The following TAFA5 variants were observed in gnomAD, a reference collection of about 807,000 sequenced individuals.
TAFA5 encodes the protein TAFA chemokine like family member 5, also known as chemokine-like protein TAFA-5.
TAFA5 carries 6 observed loss-of-function variants against 15.3 expected under a neutral mutation model. That is an observed-to-expected ratio of 0.39 (90% CI 0.21 to 0.77). TAFA5 has a LOEUF of 0.77. TAFA5 is among the 30% of genes least tolerant of loss of function. TAFA5 has a pLI of 0.41. For missense variants in TAFA5, 161 were observed against 193.1 expected (o/e 0.83, Z 0.98); for synonymous variants, 103 against 80.7 (o/e 1.28, Z -1.48).
chr22:48,750,073 C>A lies in TAFA5; in HGVS notation c.*226C>A. 1 of 591,922 alleles carries A rather than the reference C, an allele frequency of 1.7e-6. No homozygotes were observed. The highest frequency in any genetic ancestry group is 3.0e-6 in the Non-Finnish European group (1 of 332,466). The allele number at this position is 591,922 out of a possible 1,614,324, so 36.7% of individuals were successfully genotyped here. On this transcript the variant is annotated 3_prime_UTR_variant, in exon 4 of 4. Coordinates refer to ENST00000402357, the MANE Select transcript of TAFA5 (RefSeq NM_001082967.3). ...TCAGACACATAGGCGGGGGGCGGCA[C>A]CTGGCATCAGCAATACGCAGTCTGT... is the stretch of plus-strand genomic sequence containing the variant.
At chr22:48,678,317 C>T (rs1480373905) in intron 2 of TAFA5, among the ~76,000 whole-genome samples, 1 of 152,228 alleles carries the variant, frequency 6.6e-6, no homozygotes, top group Non-Finnish European at 1.5e-5. Context: ...CCGGGCTCCA[C>T]ACCTGGATGC....
At chr22:48,575,477 G>T (rs895797266) in intron 1 of TAFA5, among the ~76,000 whole-genome samples, 1 of 146,118 alleles carries the variant, frequency 6.8e-6, no homozygotes, top group Non-Finnish European at 1.5e-5. Context: ...CCCTCCCGCC[G>T]CCTCCCCCGA....
intron 1 of TAFA5, among the ~76,000 whole-genome samples, chr22:48,565,946 G>A (rs1923392665): frequency 6.6e-6 from 1 of 152,110 alleles, no homozygotes; most frequent in African/African-American, 2.4e-5. Flanking sequence ...GATGGATGAT[G>A]AATAGATGTG....
At chr22:48,720,326 A>G (rs1230825435) in intron 3 of TAFA5, among the ~76,000 whole-genome samples, 1 of 151,944 alleles carries the variant, frequency 6.6e-6, no homozygotes, top group Non-Finnish European at 1.5e-5. Flanking sequence ...TCCCTCTGAC[A>G]CTGTTTTGGT....
intron 1 of TAFA5, among the ~76,000 whole-genome samples, chr22:48,616,079 G>A (rs28498927): frequency 0.9 from 136,642 of 152,000 alleles, 61,741 homozygotes; most frequent in East Asian, 1. Context: ...CCGGCCTGGT[G>A]TGCTGATTCT....
chr22:48,684,068 C>T (rs1928279078), intron 2 of TAFA5, among the ~76,000 whole-genome samples: 1 of 152,096 alleles, frequency 6.6e-6, no homozygotes, highest in African/African-American at 2.4e-5. Flanking sequence ...GAAAACTGAC[C>T]AGTGCAATCA....
intron 2 of TAFA5, among the ~76,000 whole-genome samples, chr22:48,680,569 G>A (rs1381514284): frequency 1.3e-5 from 2 of 152,162 alleles, no homozygotes; most frequent in African/African-American, 4.8e-5. Flanking sequence ...AGGAGGAGCT[G>A]AGGGACCCCA....
intron 2 of TAFA5, among the ~76,000 whole-genome samples, chr22:48,682,434 T>C (rs1326436147): frequency 1.3e-5 from 2 of 152,232 alleles, no homozygotes; most frequent in Admixed American, 6.5e-5. Context: ...TTGCTAGTGA[T>C]GTTGATACAT....
At chr22:48,687,008 GTGGACAAGTGGATGGA>G (rs1928381139) in intron 2 of TAFA5, among the ~76,000 whole-genome samples, 1 of 150,752 alleles carries the variant, frequency 6.6e-6, no homozygotes, top group South Asian at 2.1e-4. Flanking sequence ...TGGTTGGATG[GTGGACAAGTGGATGGA>G]TGGATGGATT....
At position 48,560,751 on chromosome 22, in the gene TAFA5, G is replaced by A. The variant is rs1369686719; in HGVS notation, c.112+71047G>A. On this transcript the variant is annotated intron_variant, in intron 1 of 3. Coordinates refer to ENST00000402357, the MANE Select transcript of TAFA5 (RefSeq NM_001082967.3). The surrounding 1 kb of genome is among the most constrained non-coding windows in gnomAD (Gnocchi z 4.2). ...AGCTTCCTGAGTAGCTGGGATTACA[G>A]GTGCTCAACACCACGCCTGGATAAT... Among the ~76,000 whole-genome samples the A allele has an allele frequency of 2.6e-5, 4 of 151,996 alleles. No individual in the cohort carries two copies. Among genetic ancestry groups the A allele is most frequent in the African/African-American group, 4.8e-5 (2 of 41,370 alleles).
chr22:48,677,636 T>TC (rs1928018030), intron 2 of TAFA5, among the ~76,000 whole-genome samples: 1 of 152,064 alleles, frequency 6.6e-6, no homozygotes, highest in Non-Finnish European at 1.5e-5. Flanking sequence ...GGTCTTCTCC[T>TC]CCCCGAGGCC....
intron 2 of TAFA5, among the ~76,000 whole-genome samples, chr22:48,660,212 C>T (rs1927387755): frequency 6.6e-6 from 1 of 152,180 alleles, no homozygotes; most frequent in South Asian, 2.1e-4. Flanking sequence ...CTCACTGTCC[C>T]ATCTCCCAGT....
intron 2 of TAFA5, among the ~76,000 whole-genome samples, chr22:48,703,220 C>G (rs567257857): frequency 6.6e-6 from 1 of 151,880 alleles, no homozygotes; most frequent in Non-Finnish European, 1.5e-5. Context: ...GTGATGTGTA[C>G]GTGTGTGTGT....
intron 1 of TAFA5, among the ~76,000 whole-genome samples, chr22:48,574,460 T>A (rs1384755587): frequency 6.6e-6 from 1 of 152,152 alleles, no homozygotes; most frequent in Non-Finnish European, 1.5e-5. Flanking sequence ...TCACCATGCC[T>A]CTATAAGCCT....
At chr22:48,592,177 C>T (rs1185559200) in intron 1 of TAFA5, among the ~76,000 whole-genome samples, 1 of 152,198 alleles carries the variant, frequency 6.6e-6, no homozygotes, top group Admixed American at 6.5e-5. Context: ...ATGGTGCTGA[C>T]CCTGTGCCAG....
chr22:48,748,963 G>A (rs549568978), intron 3 of TAFA5, among the ~76,000 whole-genome samples: 2 of 152,132 alleles, frequency 1.3e-5, no homozygotes, highest in Non-Finnish European at 1.5e-5. Flanking sequence ...CGGTTCAAGG[G>A]CAGATTCTCA....
At chr22:48,677,655 C>A (rs1433298022) in intron 2 of TAFA5, among the ~76,000 whole-genome samples, 1 of 152,228 alleles carries the variant, frequency 6.6e-6, no homozygotes, top group African/African-American at 2.4e-5. Context: ...CCTCCCACCC[C>A]TGAGCGCCAA....
chr22:48,587,863 G>A (rs192324072), intron 1 of TAFA5, among the ~76,000 whole-genome samples: 123 of 152,376 alleles, frequency 8.1e-4, no homozygotes, highest in Admixed American at 2.4e-3. Context: ...ACGCAGAGGC[G>A]GCCTTCTGCC....
chr22:48,572,301 C>T (rs898601435), intron 1 of TAFA5, among the ~76,000 whole-genome samples: 1 of 152,322 alleles, frequency 6.6e-6, no homozygotes, highest in Middle Eastern at 3.4e-3. Flanking sequence ...CTGTGTAGCC[C>T]AACAGGCTTC....
Sources: allele counts gnomAD v4.1 joint callset (sites outside exome capture counted in the v4.1 genomes callset), GRCh38; gene constraint gnomAD v4.1.1; non-coding constraint Gnocchi (gnomAD v3.1); transcripts MANE v1.5; gene names NCBI Gene and HGNC (gene_info 2026-07-23, HGNC 2026-07-21).